The following CREBBP variants were observed in gnomAD, a reference collection of about 807,000 sequenced individuals.
The protein encoded by CREBBP is CREB-binding protein.
A neutral mutation model predicts 265.0 loss-of-function variants in CREBBP; 19 were observed. The observed-to-expected ratio is 0.07, with a 90% confidence interval of 0.05 to 0.11. The LOEUF is 0.11. CREBBP is among the 10% of genes least tolerant of loss of function. The probability of loss-of-function intolerance (pLI) is 1.00; values close to 1 mark genes in which losing one functional copy is unlikely to be tolerated. For missense variants in CREBBP, 2,525 were observed against 3,219.0 expected (o/e 0.78, Z 5.22); for synonymous variants, 1,457 against 1,223.7 (o/e 1.19, Z -3.98).
In CREBBP at chr16:3,780,820, T is replaced by C. The variant is rs370489037; in HGVS notation, c.1735A>G (p.Thr579Ala). The change falls in exon 8 of 31, where the codon ACA becomes GCA. Residue 579 changes from threonine (T) to alanine (A), a missense_variant. Transcript: ENST00000262367. The part of the protein sequence containing the change: ...GNIGTLSTIP[T>A]AAPPSSTGVR... ...CCGGTGCTAGAAGGAGGAGCTGCTG[T>C]TGGTATAGTGCTGAGGGTTCCAATG... is the stretch of plus-strand genomic sequence containing the variant. 6.8e-6 allele frequency: 11 copies of C among 1,613,810 alleles called. No homozygotes were observed. In the African/African-American group the frequency reaches 1.3e-4, roughly 20 times the overall value.
At chr16:3,772,915 CAAAAAAAAAAAA>C (rs144154476) in intron 13 of CREBBP, among the ~76,000 whole-genome samples, 1 of 88,842 alleles carries the variant, frequency 1.1e-5, no homozygotes, top group Non-Finnish European at 2.1e-5. Flanking sequence ...ACTAAAAATA[CAAAAAAAAAAAA>C]AAAAAAAAAA....
At chr16:3,786,569 G>A (rs1462284308) in intron 5 of CREBBP, among the ~76,000 whole-genome samples, 2 of 152,204 alleles carry the variant, frequency 1.3e-5, no homozygotes, top group African/African-American at 4.8e-5. Context: ...ATGAAGCAGA[G>A]CAGTAGTTGC....
chr16:3,824,780 A>G lies in CREBBP; in HGVS notation c.799-14001T>C, dbSNP rs143440691. Among the ~76,000 whole-genome samples the G allele has an allele frequency of 4.1e-3, 620 of 152,318 alleles. 3 individuals carry two copies. The highest frequency in any genetic ancestry group is 6.9e-3 in the Non-Finnish European group (466 of 68,026). ...CCCGTTCTACTGTAACTCTCTAAGC[A>G]AAATGTGCCAGGTTTTTAGGGGAGA... On this transcript the variant is annotated intron_variant, in intron 2 of 30. Transcript: ENST00000262367.
chr16:3,842,643 T>C (rs934323477), intron 2 of CREBBP, among the ~76,000 whole-genome samples: 3 of 152,156 alleles, frequency 2.0e-5, no homozygotes, highest in African/African-American at 4.8e-5. Flanking sequence ...TTTTTCCTAC[T>C]GTAAATATTT....
At chr16:3,867,808 C>T (rs1292187655) in intron 1 of CREBBP, among the ~76,000 whole-genome samples, 1 of 150,644 alleles carries the variant, frequency 6.6e-6, no homozygotes, top group African/African-American at 2.4e-5. Flanking sequence ...ATGCACCTGT[C>T]ATCCTAGCTA....
chr16:3,808,623 A>G (rs780993037), intron 3 of CREBBP, among the ~76,000 whole-genome samples: 7 of 152,244 alleles, frequency 4.6e-5, no homozygotes, highest in Non-Finnish European at 8.8e-5. Flanking sequence ...CAGTGGAGGC[A>G]GCAGAGGGGC....
At chr16:3,835,292 A>G (rs2054422829) in intron 2 of CREBBP, among the ~76,000 whole-genome samples, 1 of 152,186 alleles carries the variant, frequency 6.6e-6, no homozygotes, top group Admixed American at 6.5e-5. Flanking sequence ...CCAGTTAATA[A>G]ATAATTTAGT....
chr16:3,770,968 C>T lies in CREBBP; in HGVS notation c.2482G>A (p.Ala828Thr), dbSNP rs779000839. 2 of 1,613,510 alleles carry T rather than the reference C, an allele frequency of 1.2e-6. No individual in the cohort carries two copies. The highest frequency in any genetic ancestry group is 1.1e-5 in the South Asian group (1 of 91,070). The change falls in exon 14 of 31, where the codon GCT (alanine) becomes ACT (threonine). Residue 828 changes from alanine to threonine, a missense_variant. By Grantham distance (58) the Ala-to-Thr change is moderately conservative. Transcript: ENST00000262367. Reference sequence around the variant, plus strand: ...AGCATGTTGAGAGGGTTAGGAAGAGCAGCACCAGGCACCTGTCCCTACCAG... The same window carrying T: ...AGCATGTTGAGAGGGTTAGGAAGAGTAGCACCAGGCACCTGTCCCTACCAG... ...GVSQGQVPGA[A>T]LPNPLNMLGP... is the part of the protein sequence containing the mutation.
At position 3,728,532 on chromosome 16, in the gene CREBBP, T is replaced by A. The variant is rs1316056564; in HGVS notation, c.6515A>T (p.Asn2172Ile). The A allele has an allele frequency of 3.7e-6, 6 of 1,613,898 alleles. No individual in the cohort carries two copies. Among genetic ancestry groups the A allele is most frequent in the Non-Finnish European group, 4.2e-6 (5 of 1,179,992 alleles). ...GGLNPQGQAL[N>I]IMNPGHNPNM... ...GGGGTTGTGTCCTGGGTTCATGATGTTCAAGGCCTGGCCCTGGGGGTTCAG... is the reference window on the plus strand; with the variant it reads ...GGGGTTGTGTCCTGGGTTCATGATGATCAAGGCCTGGCCCTGGGGGTTCAG... Residue 2172 changes from asparagine (N) to isoleucine (I), a missense_variant, in exon 31 of 31, where the codon AAC becomes ATC. Asn to Ile is a moderately radical substitution (Grantham distance 149, BLOSUM62 -3). Coordinates refer to ENST00000262367, the MANE Select transcript of CREBBP (RefSeq NM_004380.3). This position sits in a 1 kb window ranked among gnomAD's most constrained non-coding sequence, Gnocchi z 8.7.
intron 28 of CREBBP, among the ~76,000 whole-genome samples, chr16:3,732,257 CG>C (rs1275431955): frequency 2.0e-5 from 3 of 152,210 alleles, no homozygotes; most frequent in Non-Finnish European, 2.9e-5. Context: ...CAACCAGATG[CG>C]GAAGATTCCA....
rs544895935 is a variant in CREBBP, at chr16:3,763,003, C to T, written c.3251-4031G>A. On this transcript the variant is annotated intron_variant, in intron 16 of 30. Transcript: ENST00000262367. ...ATTAGCCAGGATGGTCTCGATCTCCCGACCTCGTGATCCGCCCGCCTCGGC... is the reference window on the plus strand; with the variant it reads ...ATTAGCCAGGATGGTCTCGATCTCCTGACCTCGTGATCCGCCCGCCTCGGC... Among the ~76,000 whole-genome samples the T allele has an allele frequency of 1.4e-4, 21 of 151,358 alleles. No individual in the cohort carries two copies. The South Asian group carries it at 1.7e-3, about 12-fold the overall frequency.
chr16:3,737,219 A>G (rs576511220), intron 26 of CREBBP, among the ~76,000 whole-genome samples: 1 of 152,132 alleles, frequency 6.6e-6, no homozygotes, highest in East Asian at 1.9e-4. Context: ...TGTTCAAGAC[A>G]CTTTGATCAA....
rs1383436374 is a variant in CREBBP at position 3,729,032 on chromosome 16, G to A, written c.6015C>T (p.Pro2005=). 8.8e-6 allele frequency: 14 copies of A among 1,589,566 alleles called. No homozygotes were observed. The highest frequency in any genetic ancestry group is 1.7e-5 in the Admixed American group (1 of 58,026). ...GCATGACGGGCCCGCTCACCTGGTT[G>A]GGTCGGGGCACATTCAGGCTCACGG... ...MAPVSLNVPR[P]NQVSGPVMPS... Residue 2005 remains proline, a synonymous_variant, in exon 31 of 31, where the codon CCC becomes CCT. Transcript: ENST00000262367.
At chr16:3,845,174 T>C (rs981013941) in intron 2 of CREBBP, among the ~76,000 whole-genome samples, 1 of 152,192 alleles carries the variant, frequency 6.6e-6, no homozygotes, top group Non-Finnish European at 1.5e-5. Context: ...TATACGAATG[T>C]TTCTACCATA....
chr16:3,729,495 C>T lies in CREBBP; in HGVS notation c.5552G>A (p.Arg1851His), dbSNP rs988000147. ...CAGGCGGTGCTGGATCTGCTGCTGG[C>T]GGAGCTTGTGTTTGATGTTGAGGCA... ...PFCLNIKHKLRQQQIQHRLQQ... is the reference protein window; with the variant it reads ...PFCLNIKHKLHQQQIQHRLQQ... The change falls in exon 31 of 31, where the codon CGC (arginine) becomes CAC (histidine). Residue 1851 changes from arginine (R) to histidine (H), a missense_variant. Transcript: ENST00000262367. The T allele has an allele frequency of 1.2e-6, 2 of 1,614,026 alleles. No homozygotes were observed. The highest frequency in any genetic ancestry group is 1.7e-6 in the Non-Finnish European group (2 of 1,180,020).
In CREBBP at chr16:3,867,652, T is replaced by C. The variant is rs369242058; in HGVS notation, c.85+12180A>G. On this transcript the variant is annotated intron_variant, in intron 1 of 30. Coordinates refer to ENST00000262367, the MANE Select transcript of CREBBP (RefSeq NM_004380.3). ...GAAAGCCTGGGCCGAGCATAGTGGC[T>C]CACATCTGTAATCCCTAAACTTTGG... is the stretch of plus-strand genomic sequence containing the variant. Among the ~76,000 whole-genome samples, 36 of 151,044 alleles carry C rather than the reference T, an allele frequency of 2.4e-4. 1 individual carries two copies. In the South Asian group the frequency reaches 7.3e-3, roughly 31 times the overall value.
At chr16:3,796,556 T>C (rs550826781) in intron 3 of CREBBP, among the ~76,000 whole-genome samples, 4 of 151,944 alleles carry the variant, frequency 2.6e-5, no homozygotes, top group Non-Finnish European at 5.9e-5. Context: ...CTGGCTACTT[T>C]TTGTATTTTT....
At position 3,849,446 on chromosome 16, in the gene CREBBP, T is replaced by TGTGTGTGTGTGTGTG. The variant is rs1567360649; in HGVS notation, c.798+836_798+850dup. Among the ~76,000 whole-genome samples, 14 of 33,690 alleles carry TGTGTGTGTGTGTGTG rather than the reference T, an allele frequency of 4.2e-4. 2 individuals are homozygous for TGTGTGTGTGTGTGTG. The East Asian group carries it at 7.6e-3, about 18-fold the overall frequency. 22.1% of individuals were successfully genotyped at this position (33,690 alleles called of 152,430 possible). A position where few individuals can be genotyped will look rare whatever the true frequency, so the allele number is the denominator to read the frequency against. On this transcript the variant is annotated intron_variant, in intron 2 of 30. Transcript: ENST00000262367. ...GTGTGTGTGTGTGTGTGTGTGTGTG[T>TGTGTGTGTGTGTGTG]GTGTGTGTGTGTGTGTGTGTGTGTG...
At chr16:3,850,237 T>C in intron 2 of CREBBP, 60 bp downstream of exon 2, 3 of 1,574,690 alleles carry the variant, frequency 1.9e-6, no homozygotes, top group Non-Finnish European at 2.6e-6. Context: ...TTTTACGCAT[T>C]ACTCGGAGGG....
Sources: gnomAD v4.1 joint callset for allele counts (sites outside exome capture counted in the v4.1 genomes callset) on GRCh38, gnomAD v4.1.1 for gene constraint, Gnocchi (gnomAD v3.1) non-coding constraint, MANE v1.5 for transcripts, NCBI Gene and HGNC (gene_info 2026-07-23, HGNC 2026-07-21) for gene names.